The following TMEM132C variants were observed in gnomAD, a reference collection of about 807,000 sequenced individuals.
TMEM132C encodes the protein transmembrane protein 132C.
Under a neutral mutation model 61.4 loss-of-function variants are expected in TMEM132C, and 29 were observed. The ratio of observed to expected loss-of-function variants is 0.47; its 90% CI spans 0.35 to 0.64. TMEM132C has a LOEUF of 0.64. Among genes scored for constraint, TMEM132C ranks in the 30% least tolerant of loss-of-function variants. TMEM132C has a pLI of 0.00. For synonymous variants in TMEM132C, 656 were observed against 633.1 expected, an observed-to-expected ratio of 1.04 and a Z score of -0.54; for missense variants, 1,408 against 1,476.9, an observed-to-expected ratio of 0.95 and a Z score of 0.76.
chr12:128,603,738 AAGAAGCTCAGTTAGTCACC>A (rs1876291036), intron 3 of TMEM132C, among the ~76,000 whole-genome samples: 1 of 152,164 alleles, frequency 6.6e-6, no homozygotes, highest in Non-Finnish European at 1.5e-5. Flanking sequence ...GGGTGCGGTA[AAGAAGCTCAGTTAGTCACC>A]AGTAAGGAAA....
chr12:128,460,320 G>C (rs1218974393), intron 2 of TMEM132C, among the ~76,000 whole-genome samples: 1 of 152,172 alleles, frequency 6.6e-6, no homozygotes, highest in East Asian at 1.9e-4. Flanking sequence ...GCTTTCTTCT[G>C]TGATGGCTTC....
chr12:128,502,256 T>C (rs1872207042), intron 2 of TMEM132C, among the ~76,000 whole-genome samples: 1 of 151,972 alleles, frequency 6.6e-6, no homozygotes, highest in Admixed American at 6.6e-5. Context: ...GACAAACACA[T>C]GAACAAACAG....
intron 2 of TMEM132C, among the ~76,000 whole-genome samples, chr12:128,475,861 G>A (rs1266112643): frequency 6.6e-6 from 1 of 152,112 alleles, no homozygotes; most frequent in Non-Finnish European, 1.5e-5. Context: ...GGAAGCTGAC[G>A]CCCTGCCTGC....
At chr12:128,651,666 A>G (rs996229985) in intron 4 of TMEM132C, among the ~76,000 whole-genome samples, 1 of 152,152 alleles carries the variant, frequency 6.6e-6, no homozygotes, top group African/African-American at 2.4e-5. Context: ...AAATAAAACA[A>G]TGTCTCCTAG....
chr12:128,530,900 C>T (rs1272533645), intron 2 of TMEM132C, among the ~76,000 whole-genome samples: 2 of 152,142 alleles, frequency 1.3e-5, no homozygotes, highest in African/African-American at 2.4e-5. Flanking sequence ...TTAATGTGTA[C>T]ATTTATGACT....
chr12:128,689,109 T>C (rs2135648015), intron 5 of TMEM132C, among the ~76,000 whole-genome samples: 1 of 152,266 alleles, frequency 6.6e-6, no homozygotes, highest in South Asian at 2.1e-4. Context: ...TGAGCCACCG[T>C]GCCCAGGCTT....
chr12:128,545,201 T>G (rs1439648486), intron 3 of TMEM132C, among the ~76,000 whole-genome samples: 1 of 152,226 alleles, frequency 6.6e-6, no homozygotes, highest in Non-Finnish European at 1.5e-5. Flanking sequence ...TAGCTCCCAC[T>G]TATAAGTGAG....
chr12:128,500,753 A>G (rs1315386955), intron 2 of TMEM132C, among the ~76,000 whole-genome samples: 1 of 152,218 alleles, frequency 6.6e-6, no homozygotes, highest in African/African-American at 2.4e-5. Context: ...ACAAGATGCT[A>G]TGGAAAGCAA....
chr12:128,431,617 C>T (rs11059690), intron 2 of TMEM132C, among the ~76,000 whole-genome samples: 38,330 of 142,882 alleles, frequency 0.27, 6,190 homozygotes, highest in Non-Finnish European at 0.34. Flanking sequence ...TGCAGTGGCA[C>T]GATCTCGGCT....
chr12:128,678,227 G>T (rs1217908051), intron 5 of TMEM132C, among the ~76,000 whole-genome samples: 1 of 152,152 alleles, frequency 6.6e-6, no homozygotes, highest in East Asian at 1.9e-4. Context: ...GAGCCATTTG[G>T]TGGTTCTCAG....
At chr12:128,583,288 A>G (rs377118985) in intron 3 of TMEM132C, among the ~76,000 whole-genome samples, 2,916 of 128,278 alleles carry the variant, frequency 0.023, 101 homozygotes, top group African/African-American at 0.07. Context: ...ACTATACAAC[A>G]TATACATAAG....
At chr12:128,276,124 A>G (rs1016290834) in intron 1 of TMEM132C, among the ~76,000 whole-genome samples, 10 of 152,148 alleles carry the variant, frequency 6.6e-5, no homozygotes, top group African/African-American at 9.7e-5. Flanking sequence ...TTTTTTTCTT[A>G]AGCAAGGACA....
chr12:128,341,853 TAAC>T (rs1288060317), intron 1 of TMEM132C, among the ~76,000 whole-genome samples: 6 of 151,838 alleles, frequency 4.0e-5, no homozygotes, highest in African/African-American at 1.5e-4. Context: ...AGAAATATCT[TAAC>T]TACTCGATAA....
chr12:128,274,897 C>CAG (rs34334976), intron 1 of TMEM132C, among the ~76,000 whole-genome samples: 18,112 of 152,044 alleles, frequency 0.12, 1,313 homozygotes, highest in East Asian at 0.26. Context: ...TTCTAACTCT[C>CAG]AGGGATGCAC....
At position 128,415,270 on chromosome 12, in the gene TMEM132C, G is replaced by T; in HGVS notation, c.624G>T (p.Pro208=). Residue 208 remains proline (P), a synonymous_variant, in exon 2 of 9, where the codon CCG becomes CCT. Transcript: ENST00000435159. The surrounding 1 kb of genome is among the most constrained non-coding windows in gnomAD (Gnocchi z 5.8). ...LELLSSWFSA[P]TVGAGRKKSM... ...TCCTGTCCAGCTGGTTCAGTGCCCC[G>T]ACGGTGGGTGCCGGGAGGAAGAAGT... 1 of 1,600,178 alleles carries T rather than the reference G, an allele frequency of 6.2e-7. No homozygotes were observed. The highest frequency in any genetic ancestry group is 8.5e-7 in the Non-Finnish European group (1 of 1,173,400).
chr12:128,502,834 C>T (rs1407125839), intron 2 of TMEM132C, among the ~76,000 whole-genome samples: 1 of 152,216 alleles, frequency 6.6e-6, no homozygotes, highest in Admixed American at 6.5e-5. Context: ...TGGTGGAGGC[C>T]TTGGCGGCAC....
At chr12:128,660,918 TAGATAGAC>T (rs1220742923) in intron 4 of TMEM132C, among the ~76,000 whole-genome samples, 3 of 151,968 alleles carry the variant, frequency 2.0e-5, no homozygotes, top group Non-Finnish European at 4.4e-5. Context: ...GGTAGGTAGG[TAGATAGAC>T]AGATAGACAG....
chr12:128,414,763 A>G lies in TMEM132C; in HGVS notation c.117A>G (p.Ile39Met). 6.5e-7 allele frequency: 1 copy of G among 1,537,582 alleles called. No homozygotes were observed. Among genetic ancestry groups the G allele is most frequent in the Non-Finnish European group, 8.7e-7 (1 of 1,146,238 alleles). ...VIEGHGVTDN[I>M]QRFSSLPPYL... ...AGGGTCACGGGGTCACAGACAACAT[A>G]CAGAGATTCTCCTCACTGCCACCTT... The change falls in exon 2 of 9, where the codon ATA (isoleucine) becomes ATG (methionine). Residue 39 changes from isoleucine to methionine, a missense_variant. Physicochemically the swap from Ile to Met is conservative, Grantham distance 10. Coordinates refer to ENST00000435159, the MANE Select transcript of TMEM132C (RefSeq NM_001136103.3).
intron 1 of TMEM132C, among the ~76,000 whole-genome samples, chr12:128,381,611 G>A (rs1177148519): frequency 6.6e-6 from 1 of 152,164 alleles, no homozygotes; most frequent in East Asian, 1.9e-4. Flanking sequence ...TGGCTCCTAG[G>A]GTCTCCTGCG....
Sources: allele counts gnomAD v4.1 joint callset (sites outside exome capture counted in the v4.1 genomes callset), GRCh38; gene constraint gnomAD v4.1.1; non-coding constraint Gnocchi (gnomAD v3.1); transcripts MANE v1.5; gene names NCBI Gene and HGNC (gene_info 2026-07-23, HGNC 2026-07-21).